The following ZNF81 variants were observed in gnomAD, a reference collection of about 807,000 sequenced individuals.
ZNF81 encodes the protein zinc finger protein 81 (HFZ20).
In ZNF81, 5 loss-of-function variants were observed where a neutral mutation model predicts 32.3. The observed-to-expected ratio is 0.15, with a 90% CI of 0.08 to 0.33. The LOEUF is 0.33. Ranked by LOEUF, ZNF81 falls within the 10% of genes least tolerant of loss-of-function variation. The pLI is 1.00. For synonymous variants in ZNF81, 163 were observed against 166.8 expected, an observed-to-expected ratio of 0.98 and a Z score of 0.17; for missense variants, 379 against 479.8, an observed-to-expected ratio of 0.79 and a Z score of 1.96.
chrX:47,902,918 T>G (rs1479902972), intron 4 of ZNF81, among the ~76,000 whole-genome samples: 1 of 111,837 alleles, frequency 8.9e-6, no homozygotes, highest in Non-Finnish European at 1.9e-5. Flanking sequence ...CGCAAATCAA[T>G]AAATTTAATC....
chrX:47,895,694 G>C, intron 3 of ZNF81, 151 bp from the exon 4 acceptor site: 1 of 504,110 alleles, frequency 2.0e-6, no homozygotes, highest in Non-Finnish European at 3.5e-6. Context: ...AGAACCCTAT[G>C]ATGATGTCCT....
intron 2 of ZNF81, among the ~76,000 whole-genome samples, chrX:47,846,687 A>C (rs1282022289): frequency 8.9e-6 from 1 of 112,070 alleles, no homozygotes; most frequent in Non-Finnish European, 1.9e-5. Flanking sequence ...TTAAAGAAAA[A>C]AAAAAGCTCT....
Position 47,915,702 on chromosome X carries a change from T to C in ZNF81, c.1056T>C (p.His352=), listed in dbSNP as rs782796617. 3.3e-6 allele frequency: 4 copies of C among 1,210,542 alleles called. No individual in the cohort carries two copies. In the Admixed American group the frequency reaches 6.5e-5, roughly 20 times the overall value. The part of the protein sequence containing the change: ...NSELIMHEKT[H]TREKPYKCNE... The stretch of plus-strand genomic sequence containing the variant: ...AATTAATTATGCATGAGAAAACTCA[T>C]ACTAGAGAGAAACCCTATAAATGCA... The change falls in exon 5 of 5, where the codon CAT becomes CAC. Residue 352 remains histidine (H), a synonymous_variant. Coordinates refer to ENST00000338637, the MANE Select transcript of ZNF81 (RefSeq NM_007137.5).
intron 4 of ZNF81, among the ~76,000 whole-genome samples, chrX:47,907,310 T>A (rs1370512581): frequency 1.1e-5 from 1 of 93,007 alleles, no homozygotes; most frequent in Non-Finnish European, 2.1e-5. Flanking sequence ...TATGACCTTT[T>A]CTTTAGTCCC....
At chrX:47,898,060 G>A (rs2058685761) in intron 4 of ZNF81, among the ~76,000 whole-genome samples, 1 of 111,357 alleles carries the variant, frequency 9.0e-6, no homozygotes, top group Admixed American at 9.6e-5. Flanking sequence ...GAAAGCATAG[G>A]CCAGAGCCTT....
rs1332482606 is a variant in ZNF81, at chrX:47,920,518, G to A, written c.*3886G>A. On this transcript the variant is annotated 3_prime_UTR_variant, in exon 5 of 5. Transcript: ENST00000338637. ...GATTTCCTGCCCTTTTATCATGGGT[G>A]GAATTTTTTTTTCCATTTCCCTCAC... 1 of 110,427 alleles carries A rather than the reference G, an allele frequency of 9.1e-6. No individual in the cohort carries two copies. The highest frequency in any genetic ancestry group is 3.3e-5 in the African/African-American group (1 of 30,309). The allele number at this position is 110,427 out of a possible 1,213,427, so 9.1% of individuals were successfully genotyped here.
intron 2 of ZNF81, among the ~76,000 whole-genome samples, chrX:47,881,935 C>G (rs964869235): frequency 9.0e-6 from 1 of 111,545 alleles, no homozygotes; most frequent in Non-Finnish European, 1.9e-5. Flanking sequence ...TATCACCATG[C>G]CTGGCTAATT....
intron 2 of ZNF81, among the ~76,000 whole-genome samples, chrX:47,865,356 C>T (rs2058556012): frequency 8.9e-6 from 1 of 112,036 alleles, no homozygotes; most frequent in African/African-American, 3.2e-5. Context: ...TCAGTTTCGA[C>T]AAGGGCCCAG....
At chrX:47,905,941 A>G (rs2058719789) in intron 4 of ZNF81, among the ~76,000 whole-genome samples, 1 of 110,156 alleles carries the variant, frequency 9.1e-6, no homozygotes, top group Non-Finnish European at 1.9e-5. Context: ...TAATTCTCTG[A>G]TTAAATATAT....
intron 2 of ZNF81, among the ~76,000 whole-genome samples, chrX:47,851,208 T>C (rs1490141454): frequency 1.8e-5 from 2 of 112,373 alleles, no homozygotes; most frequent in East Asian, 5.5e-4. Flanking sequence ...AAATCTTAGT[T>C]AACACAAGAG....
intron 2 of ZNF81, among the ~76,000 whole-genome samples, chrX:47,853,991 A>G (rs1569375014): frequency 8.9e-6 from 1 of 112,655 alleles, no homozygotes; most frequent in Non-Finnish European, 1.9e-5. Flanking sequence ...TGTTCTTCCA[A>G]TATAAGGCTG....
intron 4 of ZNF81, among the ~76,000 whole-genome samples, chrX:47,909,861 T>C (rs1399904142): frequency 9.3e-6 from 1 of 107,261 alleles, no homozygotes; most frequent in Admixed American, 1.0e-4. Flanking sequence ...ATGCGGTGTT[T>C]GGTTTTTTGT....
chrX:47,894,812 G>A (rs781915224), intron 3 of ZNF81, among the ~76,000 whole-genome samples: 9 of 111,456 alleles, frequency 8.1e-5, no homozygotes, highest in Non-Finnish European at 1.5e-4. Context: ...CTCCCTTTTG[G>A]AATGGGAATA....
chrX:47,901,851 T>C (rs1451575914), intron 4 of ZNF81, among the ~76,000 whole-genome samples: 1 of 111,345 alleles, frequency 9.0e-6, no homozygotes, highest in East Asian at 2.8e-4. Context: ...TCATGCCTGC[T>C]CTGTTTTCTG....
intron 1 of ZNF81, among the ~76,000 whole-genome samples, chrX:47,840,751 G>T (rs782026806): frequency 1.8e-5 from 2 of 111,464 alleles, no homozygotes; most frequent in Admixed American, 9.5e-5. Flanking sequence ...CAGGTGATCC[G>T]CCCGCTTTGG....
At position 47,917,331 on chromosome X, in the gene ZNF81, C is replaced by T. The variant is rs782777974; in HGVS notation, c.*699C>T. 38 of 295,293 alleles carry T rather than the reference C, an allele frequency of 1.3e-4. No individual in the cohort carries two copies. The highest frequency in any genetic ancestry group is 8.8e-4 in the Middle Eastern group (1 of 1,136). 24.3% of individuals were successfully genotyped at this position (295,293 alleles called of 1,213,427 possible). ...CTGTCATTCGTACTGGTTTCCATGACATAGTATCTTGTTTTCTTTCATTGT... is the reference window on the plus strand; with the variant it reads ...CTGTCATTCGTACTGGTTTCCATGATATAGTATCTTGTTTTCTTTCATTGT... On this transcript the variant is annotated 3_prime_UTR_variant, in exon 5 of 5. Transcript: ENST00000338637.
chrX:47,894,989 A>G (rs1425665870), intron 3 of ZNF81, among the ~76,000 whole-genome samples: 5 of 111,555 alleles, frequency 4.5e-5, no homozygotes, highest in Middle Eastern at 4.2e-3. Flanking sequence ...CTTTTAGTTG[A>G]CGATGTCGAG....
At chrX:47,896,010 C>A in intron 4 of ZNF81, 70 bp downstream of exon 4, 1 of 778,613 alleles carries the variant, frequency 1.3e-6, no homozygotes, top group Non-Finnish European at 1.9e-6. Context: ...AGACCGATGC[C>A]TTTAAAATGC....
At chrX:47,914,061 G>A (rs1345392209) in intron 4 of ZNF81, among the ~76,000 whole-genome samples, 1 of 111,028 alleles carries the variant, frequency 9.0e-6, no homozygotes, top group Non-Finnish European at 1.9e-5. Flanking sequence ...AAAAAGAATT[G>A]AAAGCTAATG....
Sources: gnomAD v4.1 joint callset for allele counts (sites outside exome capture counted in the v4.1 genomes callset) on GRCh38, gnomAD v4.1.1 for gene constraint, MANE v1.5 for transcripts, NCBI Gene and HGNC (gene_info 2026-07-23, HGNC 2026-07-21) for gene names.